Variants in IL12RB2 observed in about 807,000 individuals in gnomAD.
The protein encoded by IL12RB2 is interleukin-12 receptor subunit beta-2.
IL12RB2 carries 82 observed loss-of-function variants against 89.4 expected under a neutral mutation model. The ratio of observed to expected loss-of-function variants is 0.92; its 90% CI spans 0.77 to 1.10. The LOEUF (loss-of-function observed/expected upper bound fraction) is 1.10. IL12RB2 is among the 50% of genes least tolerant of loss of function. IL12RB2 has a pLI of 0.00. For synonymous variants in IL12RB2, 368 were observed against 370.1 expected, an observed-to-expected ratio of 0.99 and a Z score of 0.07; for missense variants, 963 against 1,031.9, an observed-to-expected ratio of 0.93 and a Z score of 0.92.
At chr1:67,355,222 T>C (rs1661255086) in intron 10 of IL12RB2, among the ~76,000 whole-genome samples, 1 of 152,012 alleles carries the variant, frequency 6.6e-6, no homozygotes, top group Non-Finnish European at 1.5e-5. Flanking sequence ...AAAACCAGCC[T>C]GGCCAATACA....
chr1:67,364,747 G>A (rs1212614118), intron 10 of IL12RB2, among the ~76,000 whole-genome samples: 1 of 152,156 alleles, frequency 6.6e-6, no homozygotes, highest in Admixed American at 6.5e-5. Flanking sequence ...ACAGGACAAA[G>A]ACTGCAGACA....
At chr1:67,309,151 C>T (rs1654696472) in intron 1 of IL12RB2, among the ~76,000 whole-genome samples, 1 of 151,992 alleles carries the variant, frequency 6.6e-6, no homozygotes, top group Non-Finnish European at 1.5e-5. Flanking sequence ...TTGTTATAAT[C>T]TGCTATGTGT....
intron 16 of IL12RB2, among the ~76,000 whole-genome samples, chr1:67,390,589 G>C (rs547649582): frequency 1.3e-5 from 2 of 150,938 alleles, no homozygotes; most frequent in East Asian, 4.0e-4. Context: ...TACTATTTTG[G>C]TTTGGGCAAG....
At chr1:67,344,209 C>A (rs1659972262) in intron 9 of IL12RB2, among the ~76,000 whole-genome samples, 1 of 152,160 alleles carries the variant, frequency 6.6e-6, no homozygotes, top group African/African-American at 2.4e-5. Flanking sequence ...AAGCAAGCCA[C>A]AAATGGGAGC....
At chr1:67,317,796 T>C (rs1655970127) in intron 2 of IL12RB2, among the ~76,000 whole-genome samples, 1 of 152,346 alleles carries the variant, frequency 6.6e-6, no homozygotes, top group African/African-American at 2.4e-5. Flanking sequence ...TGTTTCCCAG[T>C]GTTAAGTGCT....
intron 13 of IL12RB2, among the ~76,000 whole-genome samples, chr1:67,376,913 G>T (rs142226583): frequency 6.6e-6 from 1 of 152,164 alleles, no homozygotes; most frequent in African/African-American, 2.4e-5. Context: ...AATCCCCTGT[G>T]TTAGGAATAG....
chr1:67,372,160 C>T (rs1336059370), intron 11 of IL12RB2, among the ~76,000 whole-genome samples: 1 of 151,854 alleles, frequency 6.6e-6, no homozygotes, highest in African/African-American at 2.4e-5. Context: ...TCATGGTGAT[C>T]CTGTTTGTTT....
intron 10 of IL12RB2, among the ~76,000 whole-genome samples, chr1:67,362,909 GTTT>G (rs35903943): frequency 6.8e-6 from 1 of 146,532 alleles, no homozygotes. Context: ...TTAATTACTC[GTTT>G]TTTTTTTTTG....
At chr1:67,392,623 C>CTTTTT (rs527587132) in intron 16 of IL12RB2, among the ~76,000 whole-genome samples, 7 of 84,250 alleles carry the variant, frequency 8.3e-5, no homozygotes, top group African/African-American at 1.9e-4. Context: ...TTTTAGATAT[C>CTTTTT]TTTTTTTTTT....
chr1:67,333,652 A>G (rs978935675), intron 8 of IL12RB2, among the ~76,000 whole-genome samples: 1 of 152,212 alleles, frequency 6.6e-6, no homozygotes, highest in Non-Finnish European at 1.5e-5. Context: ...GAAAGAAACT[A>G]CTTTGCTGTG....
chr1:67,328,181 G>A lies in IL12RB2; in HGVS notation c.480-19G>A, dbSNP rs1657582729. ...GCACATAAAACATGTTGCTACACGT[G>A]GTTGTGTTTTGTTTACAGGCTAAGT... On this transcript the variant is annotated intron_variant, in intron 5 of 16. Coordinates refer to ENST00000674203, the MANE Select transcript of IL12RB2 (RefSeq NM_001374259.2). 1 of 1,528,748 alleles carries A rather than the reference G, an allele frequency of 6.5e-7. No homozygotes were observed. Among genetic ancestry groups the A allele is most frequent in the Non-Finnish European group, 9.1e-7 (1 of 1,102,140 alleles). 94.7% of individuals were successfully genotyped at this position (1,528,748 alleles called of 1,614,324 possible).
intron 14 of IL12RB2, among the ~76,000 whole-genome samples, chr1:67,384,000 T>C (rs959538784): frequency 5.9e-5 from 9 of 152,230 alleles, no homozygotes; most frequent in Non-Finnish European, 1.3e-4. Flanking sequence ...GTCTGCAGCT[T>C]TTCCAGGTGC....
At chr1:67,393,417 A>T (rs1666037156) in intron 16 of IL12RB2, among the ~76,000 whole-genome samples, 1 of 152,184 alleles carries the variant, frequency 6.6e-6, no homozygotes, top group African/African-American at 2.4e-5. Flanking sequence ...TGCTCTCCTG[A>T]CGGCAGAGCA....
intron 2 of IL12RB2, among the ~76,000 whole-genome samples, chr1:67,314,386 T>C (rs946430720): frequency 2.6e-5 from 4 of 152,208 alleles, no homozygotes; most frequent in Non-Finnish European, 5.9e-5. Flanking sequence ...GGTTCTTACT[T>C]TGTGCTAAGT....
At chr1:67,353,580 A>G (rs1005154401) in intron 10 of IL12RB2, among the ~76,000 whole-genome samples, 1 of 152,208 alleles carries the variant, frequency 6.6e-6, no homozygotes, top group Non-Finnish European at 1.5e-5. Flanking sequence ...AAAGTAAATA[A>G]AAAATAAATA....
intron 5 of IL12RB2, 131 bp from the exon 6 acceptor site, chr1:67,328,069 C>A: frequency 1.4e-6 from 1 of 735,666 alleles, no homozygotes. Flanking sequence ...CGGGGTGTAT[C>A]CCCTAGTCAT....
intron 9 of IL12RB2, among the ~76,000 whole-genome samples, chr1:67,345,019 A>C (rs1026382255): frequency 2.0e-5 from 3 of 152,022 alleles, no homozygotes; most frequent in Non-Finnish European, 4.4e-5. Flanking sequence ...AAATACAAAA[A>C]TGTTAGCCAG....
At chr1:67,373,115 CTTT>C (rs1197508969) in intron 13 of IL12RB2, among the ~76,000 whole-genome samples, 1 of 152,044 alleles carries the variant, frequency 6.6e-6, no homozygotes, top group Non-Finnish European at 1.5e-5. Context: ...GTATAGACTT[CTTT>C]GTTTTTTTAA....
chr1:67,321,663 T>C lies in IL12RB2; in HGVS notation c.138T>C (p.Thr46=). ...CCCATGTAATTTTACTTGGATCCAC[T>C]GTCAATATTACATGCTCTTTGAAGC... ...KPSHVILLGS[T]VNITCSLKPR... Residue 46 remains threonine (T), a synonymous_variant, in exon 4 of 17, where the codon ACT becomes ACC. Transcript: ENST00000674203. 2 of 1,602,218 alleles carry C rather than the reference T, an allele frequency of 1.2e-6. No homozygotes were observed. Among genetic ancestry groups the C allele is most frequent in the Non-Finnish European group, 1.7e-6 (2 of 1,169,100 alleles).
Sources: allele counts gnomAD v4.1 joint callset (sites outside exome capture counted in the v4.1 genomes callset), GRCh38; gene constraint gnomAD v4.1.1; transcripts MANE v1.5; gene names NCBI Gene and HGNC (gene_info 2026-07-23, HGNC 2026-07-21).